The following LRP8 variants were observed in gnomAD, a reference collection of about 807,000 sequenced individuals.
LRP8 encodes low-density lipoprotein receptor-related protein 8.
In LRP8, 46 loss-of-function variants were observed where a neutral mutation model predicts 111.6. The observed-to-expected ratio is 0.41, with a 90% CI of 0.33 to 0.53. The LOEUF is 0.53. Among genes scored for constraint, LRP8 ranks in the 20% least tolerant of loss-of-function variants. The probability of loss-of-function intolerance (pLI) is 0.20; values close to 1 mark genes in which losing one functional copy is unlikely to be tolerated. For missense variants in LRP8, 959 were observed against 1,297.4 expected (o/e 0.74, Z 4.01); for synonymous variants, 464 against 511.2 (o/e 0.91, Z 1.24).
At chr1:53,310,482 G>A (rs945114508) in intron 2 of LRP8, among the ~76,000 whole-genome samples, 1 of 152,228 alleles carries the variant, frequency 6.6e-6, no homozygotes, top group Non-Finnish European at 1.5e-5. Context: ...GGAATGAGAT[G>A]CTGCCTGGCA....
At position 53,275,544 on chromosome 1, in the gene LRP8, A is replaced by C; in HGVS notation, c.1006+87T>G. ...AAATGCATCTTGGGGACCAAGGGGAAACTCCTCCCAACTCTGCCCTCTGGA... is the reference window on the plus strand; with the variant it reads ...AAATGCATCTTGGGGACCAAGGGGACACTCCTCCCAACTCTGCCCTCTGGA... On this transcript the variant is annotated intron_variant, in intron 6 of 18. Coordinates refer to ENST00000306052, the MANE Select transcript of LRP8 (RefSeq NM_004631.5). The surrounding 1 kb of genome is among the most constrained non-coding windows in gnomAD (Gnocchi z 4.4). 6.5e-7 allele frequency: 1 copy of C among 1,537,458 alleles called. No individual in the cohort carries two copies. The highest frequency in any genetic ancestry group is 2.3e-5 in the East Asian group (1 of 43,632).
rs1253018143 is a variant in LRP8, at chr1:53,246,523, TAATCTA to T, written c.*489_*494del. 1.3e-5 allele frequency: 2 copies of T among 150,664 alleles called. No homozygotes were observed. Among genetic ancestry groups the T allele is most frequent in the African/African-American group, 2.4e-5 (1 of 40,916 alleles). 9.3% of individuals were successfully genotyped at this position (150,664 alleles called of 1,614,324 possible). A position where few individuals can be genotyped will look rare whatever the true frequency, so the allele number is the denominator to read the frequency against. ...CTGATTTTTAAAATATGTTAATAAA[TAATCTA>T]AATGGGGGAGGGAGTTGAAGTGTTT... is the stretch of plus-strand genomic sequence containing the variant. On this transcript the variant is annotated 3_prime_UTR_variant, in exon 19 of 19. Transcript: ENST00000306052.
At chr1:53,319,661 C>T (rs753952465) in intron 2 of LRP8, among the ~76,000 whole-genome samples, 10 of 152,216 alleles carry the variant, frequency 6.6e-5, no homozygotes, top group Non-Finnish European at 1.3e-4. Flanking sequence ...TGAAGGCCCT[C>T]AGCCCCTCCC....
In LRP8 at chr1:53,271,088, T is replaced by C; in HGVS notation, c.1192A>G (p.Lys398Glu). The change falls in exon 8 of 19, where the codon AAG becomes GAG. Residue 398 changes from lysine to glutamate, a missense_variant. Lys to Glu is a moderately conservative substitution (Grantham distance 56). Around this residue, in one of 3 missense-constraint regions of LRP8, gnomAD observed 819 missense variants for 1,097.6 expected, o/e 0.75. Coordinates refer to ENST00000306052, the MANE Select transcript of LRP8 (RefSeq NM_004631.5). ...QICVNYKGYF[K>E]CECYPGYEMD... is the part of the protein sequence containing the mutation. ...TCGTAGCCAGGGTAGCACTCACACT[T>C]AAAATAGCCCTTGTAATTGACACAG... 6.2e-7 allele frequency: 1 copy of C among 1,613,980 alleles called. No homozygotes were observed. The highest frequency in any genetic ancestry group is 8.5e-7 in the Non-Finnish European group (1 of 1,179,988).
At chr1:53,326,805 G>A in intron 2 of LRP8, 68 bp downstream of exon 2, 2 of 1,542,948 alleles carry the variant, frequency 1.3e-6, no homozygotes, top group Admixed American at 1.8e-5. Flanking sequence ...CCACGTGCGC[G>A]CCAAGCATGG....
At chr1:53,311,863 C>A (rs951864850) in intron 2 of LRP8, among the ~76,000 whole-genome samples, 3 of 152,218 alleles carry the variant, frequency 2.0e-5, no homozygotes, top group Admixed American at 6.5e-5. Flanking sequence ...GTGTCCCCAT[C>A]TGTACAATGG....
intron 6 of LRP8, chr1:53,274,876 C>T (rs758994801): frequency 1.8e-5 from 8 of 455,398 alleles, no homozygotes; most frequent in Admixed American, 7.0e-5. Context: ...ACAAGAAGGG[C>T]TGGGCTGGGG....
chr1:53,278,899 C>T (rs1356633189), intron 4 of LRP8, among the ~76,000 whole-genome samples: 1 of 151,166 alleles, frequency 6.6e-6, no homozygotes, highest in Non-Finnish European at 1.5e-5. Flanking sequence ...TCCTGAGTAG[C>T]CACCACGCCC....
intron 13 of LRP8, 67 bp from the exon 14 acceptor site, chr1:53,258,538 A>G: frequency 8.8e-6 from 13 of 1,479,618 alleles, no homozygotes; most frequent in Non-Finnish European, 1.1e-5. Flanking sequence ...CCTCCTGAGG[A>G]TGAGGCTTCT....
intron 2 of LRP8, among the ~76,000 whole-genome samples, chr1:53,295,413 C>T (rs1649516714): frequency 6.6e-6 from 1 of 152,148 alleles, no homozygotes. Context: ...AAGTTGTGCA[C>T]AAAGCTGCCC....
At chr1:53,323,327 G>A (rs1008795955) in intron 2 of LRP8, among the ~76,000 whole-genome samples, 1 of 152,218 alleles carries the variant, frequency 6.6e-6, no homozygotes, top group African/African-American at 2.4e-5. Context: ...GGAACGAGGG[G>A]CGATGTGTGG....
Position 53,249,423 on chromosome 1 carries a change from A to G in LRP8, c.2810T>C (p.Leu937Pro). 6.2e-7 allele frequency: 1 copy of G among 1,614,060 alleles called. No individual in the cohort carries two copies. The highest frequency in any genetic ancestry group is 8.5e-7 in the Non-Finnish European group (1 of 1,180,016). Residue 937 changes from leucine to proline, a missense_variant, in exon 18 of 19, where the codon CTC becomes CCC. By Grantham distance (98) the Leu-to-Pro change is moderately conservative. This residue lies in a region of LRP8 where 819 missense variants were observed against 1,097.6 expected (regional missense o/e 0.75). Coordinates refer to ENST00000306052, the MANE Select transcript of LRP8 (RefSeq NM_004631.5). This position sits in a 1 kb window ranked among gnomAD's most constrained non-coding sequence, Gnocchi z 4.1. ...PGEPRSQLHQ[L>P]PKNPLSELPV... The stretch of plus-strand genomic sequence containing the variant: ...CAGCTCGGAAAGAGGGTTCTTCGGG[A>G]GTTGGTGCAGCTGTGACCTTGGTTC...
Position 53,317,011 on chromosome 1 carries a change from A to T in LRP8, c.244+9862T>A. Reference sequence around the variant, plus strand: ...GTGTCATCTTGGCCCCATAGCCTCCACGGGTCCAGAATAGTCACCTCCCTC... The same window carrying T: ...GTGTCATCTTGGCCCCATAGCCTCCTCGGGTCCAGAATAGTCACCTCCCTC... On this transcript the variant is annotated intron_variant, in intron 2 of 18. Transcript: ENST00000306052. The surrounding 1 kb of genome is among the most constrained non-coding windows in gnomAD (Gnocchi z 4.9). 6.6e-6 allele frequency among the ~76,000 whole-genome samples: 1 copy of T among 152,088 alleles called. No homozygotes were observed. The highest frequency in any genetic ancestry group is 1.9e-4 in the East Asian group (1 of 5,184).
chr1:53,269,356 C>A (rs1646687838), intron 8 of LRP8, among the ~76,000 whole-genome samples: 1 of 151,878 alleles, frequency 6.6e-6, no homozygotes, highest in Non-Finnish European at 1.5e-5. Context: ...CACTCTGTCA[C>A]CCAGGCTGGA....
chr1:53,292,337 A>C (rs1219683017), intron 2 of LRP8, among the ~76,000 whole-genome samples: 1 of 152,222 alleles, frequency 6.6e-6, no homozygotes, highest in Non-Finnish European at 1.5e-5. Flanking sequence ...AGATGGGTAG[A>C]TTGAGGCCCA....
chr1:53,326,470 G>A (rs1655138917), intron 2 of LRP8, among the ~76,000 whole-genome samples: 1 of 152,248 alleles, frequency 6.6e-6, no homozygotes, highest in Non-Finnish European at 1.5e-5. Flanking sequence ...GTGCGGCCCG[G>A]AGCTGCGTGG....
chr1:53,301,623 T>G (rs1396167260), intron 2 of LRP8, among the ~76,000 whole-genome samples: 1 of 151,690 alleles, frequency 6.6e-6, no homozygotes, highest in African/African-American at 2.4e-5. Context: ...CCCAGCTACT[T>G]GGGAGGCTGG....
rs554444092 is a variant in LRP8, at chr1:53,246,854, A to G, written c.*164T>C. 1.1e-4 allele frequency: 65 copies of G among 611,604 alleles called. No homozygotes were observed. Among genetic ancestry groups the G allele is most frequent in the Non-Finnish European group, 1.8e-4 (62 of 352,574 alleles). 37.9% of individuals were successfully genotyped at this position (611,604 alleles called of 1,614,324 possible). On this transcript the variant is annotated 3_prime_UTR_variant, in exon 19 of 19. Transcript: ENST00000306052. Reference sequence around the variant, plus strand: ...CTTTGGATGTTTGCAGTTCATCATAACTTTGTGGTTACCTTTCCGCAACAT... The same window carrying G: ...CTTTGGATGTTTGCAGTTCATCATAGCTTTGTGGTTACCTTTCCGCAACAT...
At chr1:53,277,786 G>A (rs1202739440) in intron 4 of LRP8, among the ~76,000 whole-genome samples, 1 of 152,128 alleles carries the variant, frequency 6.6e-6, no homozygotes, top group African/African-American at 2.4e-5. Flanking sequence ...CTCTGCCCTC[G>A]TTTCTGAGCC....
Sources: allele counts gnomAD v4.1 joint callset (sites outside exome capture counted in the v4.1 genomes callset), GRCh38; gene constraint gnomAD v4.1.1; regional missense constraint gnomAD v4.1.1; non-coding constraint Gnocchi (gnomAD v3.1); transcripts MANE v1.5; gene names NCBI Gene and HGNC (gene_info 2026-07-23, HGNC 2026-07-21).